Variants in GFRA1 observed in about 807,000 individuals in gnomAD.
GFRA1 encodes GDNF family receptor alpha-1.
In GFRA1, 16 loss-of-function variants were observed where a neutral mutation model predicts 51.6. That is an observed-to-expected ratio of 0.31 (90% CI 0.21 to 0.47). GFRA1 has a LOEUF of 0.47. Among genes scored for constraint, GFRA1 ranks in the 20% least tolerant of loss-of-function variants. The pLI, the probability that GFRA1 is intolerant of heterozygous loss-of-function variation, is 1.00. For synonymous variants in GFRA1, 270 were observed against 241.3 expected (o/e 1.12, Z -1.10); for missense variants, 530 against 594.3 (o/e 0.89, Z 1.13).
chr10:116,133,736 G>T (rs12762058), intron 5 of GFRA1, among the ~76,000 whole-genome samples: 2 of 152,110 alleles, frequency 1.3e-5, no homozygotes, highest in Admixed American at 1.3e-4. Context: ...GCCTCTCCGC[G>T]GTCTGCGGCT....
intron 5 of GFRA1, among the ~76,000 whole-genome samples, chr10:116,210,064 AC>A (rs1965072299): frequency 6.6e-6 from 1 of 152,116 alleles, no homozygotes; most frequent in African/African-American, 2.4e-5. Flanking sequence ...GATGATTATA[AC>A]TTTTGCTCTG....
intron 9 of GFRA1, among the ~76,000 whole-genome samples, chr10:116,087,683 C>A (rs773756905): frequency 6.6e-6 from 1 of 152,192 alleles, no homozygotes; most frequent in Non-Finnish European, 1.5e-5. Flanking sequence ...TGCCCCTCAC[C>A]TGACCACTTG....
At chr10:116,065,652 C>T (rs1955071585) in intron 9 of GFRA1, 26 bp from the exon 10 acceptor site, 5 of 1,598,884 alleles carry the variant, frequency 3.1e-6, no homozygotes, top group Non-Finnish European at 4.3e-6. Context: ...AAAAAAAATG[C>T]TCAAACATAA....
At chr10:116,266,307 C>T (rs1969653604) in intron 4 of GFRA1, among the ~76,000 whole-genome samples, 1 of 152,198 alleles carries the variant, frequency 6.6e-6, no homozygotes, top group African/African-American at 2.4e-5. Context: ...AAAGCAGAGA[C>T]ACTGTTGTCC....
At chr10:116,071,056 T>C (rs1039779917) in intron 9 of GFRA1, among the ~76,000 whole-genome samples, 2 of 152,200 alleles carry the variant, frequency 1.3e-5, no homozygotes, top group Admixed American at 1.3e-4. Flanking sequence ...TTCCAGAGCC[T>C]GAGCTCAGCA....
In GFRA1 at chr10:116,093,824, G is replaced by C; in HGVS notation, c.893C>G (p.Thr298Ser). ...AYSGLIGTVM[T>S]PNYIDSSSLS... ...GCTACTGGAGTCTATGTAGTTGGGG[G>C]TCATGACTGTGCCTAAAAGAATAAA... The change falls in exon 8 of 11, where the codon ACC (threonine) becomes AGC (serine). Residue 298 changes from threonine (T) to serine (S), a missense_variant. By Grantham distance (58) the Thr-to-Ser change is moderately conservative. Coordinates refer to ENST00000355422, the MANE Select transcript of GFRA1 (RefSeq NM_005264.8). The C allele has an allele frequency of 1.2e-6, 2 of 1,614,020 alleles. No individual in the cohort carries two copies. The highest frequency in any genetic ancestry group is 1.1e-5 in the South Asian group (1 of 91,072).
At chr10:116,116,946 C>A (rs183684767) in intron 6 of GFRA1, among the ~76,000 whole-genome samples, 261 of 152,296 alleles carry the variant, frequency 1.7e-3, no homozygotes, top group African/African-American at 6.0e-3. Context: ...CCAGAATTAT[C>A]ATTCTGGCTG....
chr10:116,162,728 A>C (rs1422560730), intron 5 of GFRA1, among the ~76,000 whole-genome samples: 3 of 152,230 alleles, frequency 2.0e-5, no homozygotes, highest in Non-Finnish European at 4.4e-5. Flanking sequence ...ATGGTTGCAC[A>C]ACCTTATGAA....
chr10:116,181,384 C>T (rs1338102512), intron 5 of GFRA1, among the ~76,000 whole-genome samples: 1 of 152,164 alleles, frequency 6.6e-6, no homozygotes, highest in Non-Finnish European at 1.5e-5. Flanking sequence ...CTTACAGACA[C>T]AAGTCACCAC....
At chr10:116,244,782 G>A (rs1967730436) in intron 4 of GFRA1, among the ~76,000 whole-genome samples, 1 of 152,052 alleles carries the variant, frequency 6.6e-6, no homozygotes, top group African/African-American at 2.4e-5. Context: ...TAAAAGAATA[G>A]AGAAGTATTA....
chr10:116,176,674 AGCAACACAAGAATGG>A (rs1174011196), intron 5 of GFRA1, among the ~76,000 whole-genome samples: 1 of 152,106 alleles, frequency 6.6e-6, no homozygotes, highest in Non-Finnish European at 1.5e-5. Context: ...ATTTCTTTAT[AGCAACACAAGAATGG>A]CCTAACACAC....
At chr10:116,179,682 TA>T (rs1357092535) in intron 5 of GFRA1, among the ~76,000 whole-genome samples, 1 of 152,184 alleles carries the variant, frequency 6.6e-6, no homozygotes, top group East Asian at 1.9e-4. Context: ...CATAGAATGA[TA>T]AATGAGTTTT....
intron 6 of GFRA1, among the ~76,000 whole-genome samples, chr10:116,102,816 G>A (rs1956867436): frequency 6.6e-6 from 1 of 152,112 alleles, no homozygotes; most frequent in African/African-American, 2.4e-5. Flanking sequence ...GATTTGGGTG[G>A]GGACACAGCC....
intron 5 of GFRA1, among the ~76,000 whole-genome samples, chr10:116,125,961 A>G (rs758295968): frequency 5.3e-5 from 8 of 152,204 alleles, no homozygotes; most frequent in Admixed American, 2.0e-4. Context: ...TAATTGCCAT[A>G]CAATCCTCCA....
chr10:116,173,674 A>G (rs1961269521), intron 5 of GFRA1, among the ~76,000 whole-genome samples: 3 of 152,224 alleles, frequency 2.0e-5, no homozygotes, highest in African/African-American at 7.2e-5. Context: ...AAACTGATTC[A>G]AAACCAAACA....
chr10:116,109,151 C>G (rs965689829), intron 6 of GFRA1, among the ~76,000 whole-genome samples: 1 of 152,166 alleles, frequency 6.6e-6, no homozygotes, highest in African/African-American at 2.4e-5. Flanking sequence ...GTTGAGGACA[C>G]GAGGTCCCAG....
rs545407121 is a variant in GFRA1 at position 116,183,573 on chromosome 10, G to C, written c.433+28058C>G. Among the ~76,000 whole-genome samples the C allele has an allele frequency of 3.3e-5, 5 of 152,316 alleles. No homozygotes were observed. The East Asian group carries it at 9.7e-4, about 30-fold the overall frequency. ...GCAGAGCCTGATGGATGAAGACCAA[G>C]GCATGGCACAGGGAGGGTAGAGAAC... On this transcript the variant is annotated intron_variant, in intron 5 of 10. Coordinates refer to ENST00000355422, the MANE Select transcript of GFRA1 (RefSeq NM_005264.8).
At chr10:116,169,080 T>G (rs935608841) in intron 5 of GFRA1, among the ~76,000 whole-genome samples, 2 of 152,124 alleles carry the variant, frequency 1.3e-5, no homozygotes, top group Non-Finnish European at 2.9e-5. Context: ...CTGATTTCCC[T>G]CATCACCCCT....
intron 4 of GFRA1, among the ~76,000 whole-genome samples, chr10:116,215,264 C>T (rs1177111507): frequency 1.3e-5 from 2 of 152,152 alleles, no homozygotes; most frequent in African/African-American, 4.8e-5. Flanking sequence ...GAGAAGAAGG[C>T]GGTTTCTGTT....
Sources: gnomAD v4.1 joint callset for allele counts (sites outside exome capture counted in the v4.1 genomes callset) on GRCh38, gnomAD v4.1.1 for gene constraint, MANE v1.5 for transcripts, NCBI Gene and HGNC (gene_info 2026-07-23, HGNC 2026-07-21) for gene names.